Variants in PPP2R2B observed in about 807,000 individuals in gnomAD.
The protein encoded by PPP2R2B is protein phosphatase 2 regulatory subunit Bbeta, also known as serine/threonine-protein phosphatase 2A 55 kDa regulatory subunit B beta isoform.
In PPP2R2B, 5 loss-of-function variants were observed where a neutral mutation model predicts 46.0. The observed-to-expected ratio is 0.11, with a 90% CI of 0.06 to 0.23. The LOEUF is 0.23. PPP2R2B is among the 10% of genes least tolerant of loss of function. The pLI, the probability that PPP2R2B is intolerant of heterozygous loss-of-function variation, is 1.00. For missense variants in PPP2R2B, 367 were observed against 575.0 expected (o/e 0.64, Z 3.70); for synonymous variants, 215 against 206.7 (o/e 1.04, Z -0.34).
At chr5:147,001,627 A>G (rs932222805) in intron 1 of PPP2R2B, among the ~76,000 whole-genome samples, 40 of 152,218 alleles carry the variant, frequency 2.6e-4, no homozygotes, top group African/African-American at 9.4e-4. Context: ...TTCCAGACAT[A>G]TTTTGGTGAC....
At chr5:146,809,115 G>A (rs181863552) in intron 2 of PPP2R2B, among the ~76,000 whole-genome samples, 6 of 152,064 alleles carry the variant, frequency 3.9e-5, no homozygotes, top group African/African-American at 1.4e-4. Flanking sequence ...AATGTCAGGG[G>A]CTTTGGGGGC....
intron 2 of PPP2R2B, among the ~76,000 whole-genome samples, chr5:146,864,593 C>G (rs923190650): frequency 6.6e-6 from 1 of 151,994 alleles, no homozygotes; most frequent in Non-Finnish European, 1.5e-5. Flanking sequence ...ACAAATGATG[C>G]CCTGGAACCA....
chr5:146,834,115 CTTG>C (rs1188438611), intron 2 of PPP2R2B, among the ~76,000 whole-genome samples: 3 of 152,082 alleles, frequency 2.0e-5, no homozygotes, highest in Non-Finnish European at 2.9e-5. Flanking sequence ...AAAAAGGATT[CTTG>C]TTATTTATGA....
chr5:146,642,882 C>T (rs1422907868), intron 6 of PPP2R2B, among the ~76,000 whole-genome samples: 1 of 152,138 alleles, frequency 6.6e-6, no homozygotes, highest in Non-Finnish European at 1.5e-5. Context: ...CGTGGTGAAA[C>T]CCTATCTCTA....
intron 2 of PPP2R2B, among the ~76,000 whole-genome samples, chr5:146,769,992 T>C (rs1582063173): frequency 6.6e-6 from 1 of 152,212 alleles, no homozygotes; most frequent in East Asian, 1.9e-4. Flanking sequence ...GTCAGCATTA[T>C]TTATACTAGC....
At chr5:146,933,846 A>G (rs1329204875) in intron 1 of PPP2R2B, among the ~76,000 whole-genome samples, 1 of 85,182 alleles carries the variant, frequency 1.2e-5, no homozygotes, top group Admixed American at 1.7e-4. Context: ...CCCACCCCAC[A>G]ACAGTCCCCA....
At chr5:146,667,030 G>A (rs964659807) in intron 5 of PPP2R2B, among the ~76,000 whole-genome samples, 6 of 152,148 alleles carry the variant, frequency 3.9e-5, no homozygotes, top group African/African-American at 1.4e-4. Context: ...GAATGTGGGA[G>A]ATGGTGGTAG....
At chr5:146,927,232 CTATCATT>C (rs1763812541) in intron 1 of PPP2R2B, among the ~76,000 whole-genome samples, 2 of 152,100 alleles carry the variant, frequency 1.3e-5, no homozygotes, top group African/African-American at 4.8e-5. Context: ...TTGCACAGCT[CTATCATT>C]GCATTTTGGG....
At chr5:146,711,117 G>A (rs754395199) in intron 2 of PPP2R2B, among the ~76,000 whole-genome samples, 1 of 152,140 alleles carries the variant, frequency 6.6e-6, no homozygotes, top group Non-Finnish European at 1.5e-5. Context: ...AATGATATTA[G>A]AATCATTTAT....
chr5:146,765,620 T>C (rs1754430359), intron 2 of PPP2R2B, among the ~76,000 whole-genome samples: 1 of 152,242 alleles, frequency 6.6e-6, no homozygotes, highest in African/African-American at 2.4e-5. Flanking sequence ...CATGCTTTGT[T>C]TCTTAACATC....
At chr5:147,069,604 A>C (rs1204055484) in intron 2 of PPP2R2B, among the ~76,000 whole-genome samples, 1 of 151,558 alleles carries the variant, frequency 6.6e-6, no homozygotes, top group Non-Finnish European at 1.5e-5. Flanking sequence ...GGGCCTTCAC[A>C]CTTGTTGTCT....
rs146187362 is a variant in PPP2R2B, at chr5:146,604,040, G to A, written c.791-3580C>T. On this transcript the variant is annotated intron_variant, in intron 7 of 9. Transcript: ENST00000394411. ...CCACAAGTAAAAAGTATTTCGATAC[G>A]TGCCAGGCCCTGTACCAAATGCTAA... 4.7e-3 allele frequency among the ~76,000 whole-genome samples: 717 copies of A among 152,206 alleles called. 7 individuals are homozygous for A. The highest frequency in any genetic ancestry group is 0.016 in the African/African-American group (683 of 41,542).
At chr5:146,596,247 TC>T (rs1771157461) in intron 8 of PPP2R2B, among the ~76,000 whole-genome samples, 1 of 152,204 alleles carries the variant, frequency 6.6e-6, no homozygotes. Context: ...AAATAGCTAA[TC>T]ATACTTAAGT....
intron 2 of PPP2R2B, among the ~76,000 whole-genome samples, chr5:147,070,914 T>A (rs1389767084): frequency 6.6e-6 from 1 of 151,970 alleles, no homozygotes; most frequent in East Asian, 1.9e-4. Flanking sequence ...GGGCATCTGC[T>A]GTGAAGTGGA....
chr5:146,940,520 A>C (rs957723238), intron 1 of PPP2R2B, among the ~76,000 whole-genome samples: 11 of 151,960 alleles, frequency 7.2e-5, no homozygotes, highest in African/African-American at 2.7e-4. Flanking sequence ...GGAAAAAAAA[A>C]AAAACATAAG....
chr5:146,647,237 A>G (rs796402774), intron 6 of PPP2R2B, among the ~76,000 whole-genome samples: 1 of 9,332 alleles, frequency 1.1e-4, no homozygotes, highest in African/African-American at 1.8e-4. Context: ...TTAGAAGCAC[A>G]TTGCTTACCA....
chr5:146,742,507 A>G (rs979025878), intron 2 of PPP2R2B, among the ~76,000 whole-genome samples: 3 of 152,170 alleles, frequency 2.0e-5, no homozygotes, highest in Admixed American at 6.5e-5. Context: ...CACACTATGC[A>G]TTGATATTCT....
intron 1 of PPP2R2B, among the ~76,000 whole-genome samples, chr5:146,899,202 T>C (rs1306727468): frequency 6.9e-6 from 1 of 144,024 alleles, no homozygotes; most frequent in Non-Finnish European, 1.5e-5. Flanking sequence ...CTATTCACAA[T>C]AGCAAAGACT....
At chr5:146,624,612 G>C (rs1392122720) in intron 7 of PPP2R2B, among the ~76,000 whole-genome samples, 1 of 152,138 alleles carries the variant, frequency 6.6e-6, no homozygotes, top group Non-Finnish European at 1.5e-5. Context: ...TAGCCACAGA[G>C]TGACATATTA....
Sources: gnomAD v4.1 joint callset for allele counts (sites outside exome capture counted in the v4.1 genomes callset) on GRCh38, gnomAD v4.1.1 for gene constraint, MANE v1.5 for transcripts, NCBI Gene and HGNC (gene_info 2026-07-23, HGNC 2026-07-21) for gene names.